Variants in PCDH9 observed in about 807,000 individuals in gnomAD.
The protein encoded by PCDH9 is protocadherin-9.
A neutral mutation model predicts 70.6 loss-of-function variants in PCDH9; 24 were observed. The observed-to-expected ratio is 0.34, with a 90% CI of 0.25 to 0.48. PCDH9 has a LOEUF of 0.48. PCDH9 is among the 20% of genes least tolerant of loss of function. The pLI, the probability that PCDH9 is intolerant of heterozygous loss-of-function variation, is 0.99. For missense variants in PCDH9, 1,281 were observed against 1,503.6 expected (o/e 0.85, Z 2.45); for synonymous variants, 562 against 558.5 (o/e 1.01, Z -0.09).
At position 66,382,785 on chromosome 13, in the gene PCDH9, C is replaced by T. The variant is rs376135918; in HGVS notation, c.3341-77757G>A. 8.5e-5 allele frequency among the ~76,000 whole-genome samples: 13 copies of T among 152,240 alleles called. No individual in the cohort carries two copies. The East Asian group carries it at 1.9e-3, about 23-fold the overall frequency. On this transcript the variant is annotated intron_variant, in intron 4 of 4. Transcript: ENST00000377865. ...GTGGCTCACGCCTGTAATCCTAGCACTTTGGAAGGCCGAGGCAGGTGGATC... is the reference window on the plus strand; with the variant it reads ...GTGGCTCACGCCTGTAATCCTAGCATTTTGGAAGGCCGAGGCAGGTGGATC...
chr13:66,360,166 T>A (rs1430593234), intron 4 of PCDH9, among the ~76,000 whole-genome samples: 1 of 152,072 alleles, frequency 6.6e-6, no homozygotes, highest in Non-Finnish European at 1.5e-5. Context: ...GAGTCCTTTT[T>A]TGCATATGTC....
At chr13:67,181,616 A>G (rs1261421927) in intron 2 of PCDH9, among the ~76,000 whole-genome samples, 1 of 152,200 alleles carries the variant, frequency 6.6e-6, no homozygotes, top group Non-Finnish European at 1.5e-5. Flanking sequence ...CTAAACAGGG[A>G]AAGAATTTCA....
At chr13:66,334,668 T>C (rs1956004694) in intron 4 of PCDH9, among the ~76,000 whole-genome samples, 1 of 151,130 alleles carries the variant, frequency 6.6e-6, no homozygotes, top group Non-Finnish European at 1.5e-5. Flanking sequence ...TCTTTACTAC[T>C]AAAAAAAAAG....
chr13:67,202,550 A>G (rs1339232390), intron 2 of PCDH9: 6 of 152,172 alleles, frequency 3.9e-5, no homozygotes, highest in African/African-American at 2.4e-5. Context: ...CACCCAGTCA[A>G]TCTCTATAAC....
chr13:66,636,305 T>A (rs571536239), intron 3 of PCDH9, among the ~76,000 whole-genome samples: 1 of 152,244 alleles, frequency 6.6e-6, no homozygotes, highest in African/African-American at 2.4e-5. Context: ...CAGAAACATT[T>A]GATATATGGT....
At chr13:67,053,920 C>A (rs1298609092) in intron 2 of PCDH9, among the ~76,000 whole-genome samples, 1 of 152,068 alleles carries the variant, frequency 6.6e-6, no homozygotes, top group African/African-American at 2.4e-5. Context: ...TCAATATAAG[C>A]TAGATATTAT....
chr13:67,110,093 T>C (rs1172210512), intron 2 of PCDH9, among the ~76,000 whole-genome samples: 1 of 151,854 alleles, frequency 6.6e-6, no homozygotes, highest in Admixed American at 6.6e-5. Flanking sequence ...ATCAATAGAC[T>C]GACAAAGGAA....
At chr13:66,803,560 C>G (rs936585071) in intron 3 of PCDH9, among the ~76,000 whole-genome samples, 2 of 152,162 alleles carry the variant, frequency 1.3e-5, no homozygotes, top group Non-Finnish European at 2.9e-5. Context: ...CACAAAACCA[C>G]TTGTTCACTG....
intron 3 of PCDH9, among the ~76,000 whole-genome samples, chr13:66,694,762 A>G (rs113840343): frequency 0.017 from 2,577 of 152,072 alleles, 84 homozygotes; most frequent in African/African-American, 0.059. Context: ...ATATATATTT[A>G]TATTTAAAAG....
At chr13:66,515,519 C>T (rs898155292) in intron 4 of PCDH9, among the ~76,000 whole-genome samples, 1 of 151,638 alleles carries the variant, frequency 6.6e-6, no homozygotes, top group Non-Finnish European at 1.5e-5. Flanking sequence ...AAAATCATAA[C>T]ATTATACATA....
At chr13:66,640,978 C>A (rs1243863172) in intron 3 of PCDH9, among the ~76,000 whole-genome samples, 1 of 152,010 alleles carries the variant, frequency 6.6e-6, no homozygotes, top group East Asian at 1.9e-4. Context: ...CGGGTTCGAG[C>A]AATTCTCCGG....
At chr13:67,139,808 A>C (rs1465519788) in intron 2 of PCDH9, among the ~76,000 whole-genome samples, 2 of 152,158 alleles carry the variant, frequency 1.3e-5, no homozygotes, top group African/African-American at 4.8e-5. Flanking sequence ...TTATGTTTTC[A>C]TTAAGTCCAA....
At chr13:66,379,438 C>CAT (rs1956804072) in intron 4 of PCDH9, among the ~76,000 whole-genome samples, 1 of 152,134 alleles carries the variant, frequency 6.6e-6, no homozygotes. Context: ...TCACGTCACT[C>CAT]ATTACTTTCC....
chr13:66,934,558 G>GAAAAAGAAAAAGAA (rs752213385), intron 2 of PCDH9, among the ~76,000 whole-genome samples: 5 of 134,842 alleles, frequency 3.7e-5, no homozygotes, highest in Admixed American at 1.5e-4. Flanking sequence ...AAAAAAAAAA[G>GAAAAAGAAAAAGAA]AAAAAGAAAA....
chr13:66,455,051 T>C (rs1262472427), intron 4 of PCDH9, among the ~76,000 whole-genome samples: 1 of 152,142 alleles, frequency 6.6e-6, no homozygotes, highest in Non-Finnish European at 1.5e-5. Flanking sequence ...GTTTGCCAGT[T>C]TTCCTTTCAT....
chr13:66,624,703 T>A (rs2077475554), intron 4 of PCDH9, among the ~76,000 whole-genome samples: 1 of 152,226 alleles, frequency 6.6e-6, no homozygotes, highest in Admixed American at 6.5e-5. Flanking sequence ...ACACATGTAA[T>A]TACTGAAAAT....
intron 3 of PCDH9, among the ~76,000 whole-genome samples, chr13:66,846,884 T>TACAC (rs34392674): frequency 0.36 from 54,421 of 149,328 alleles, 10,045 homozygotes; most frequent in East Asian, 0.46. Flanking sequence ...TTTCTCATAA[T>TACAC]ACACACACAC....
chr13:67,190,251 C>A (rs17592228), intron 2 of PCDH9, among the ~76,000 whole-genome samples: 7,588 of 152,004 alleles, frequency 0.05, 239 homozygotes, highest in Middle Eastern at 0.071. Flanking sequence ...GGGTGCTATG[C>A]TTCATATCTC....
chr13:66,983,465 G>T (rs1221413131), intron 2 of PCDH9, among the ~76,000 whole-genome samples: 2 of 151,710 alleles, frequency 1.3e-5, no homozygotes, highest in African/African-American at 2.4e-5. Flanking sequence ...AATAAAAGGA[G>T]AAAACAGAAA....
Sources: gnomAD v4.1 joint callset for allele counts (sites outside exome capture counted in the v4.1 genomes callset) on GRCh38, gnomAD v4.1.1 for gene constraint, MANE v1.5 for transcripts, NCBI Gene and HGNC (gene_info 2026-07-23, HGNC 2026-07-21) for gene names.